The following PEAK1 variants were observed in gnomAD, a reference collection of about 807,000 sequenced individuals.
The protein encoded by PEAK1 is inactive tyrosine-protein kinase PEAK1.
PEAK1 carries 54 observed loss-of-function variants against 124.7 expected under a neutral mutation model. The observed-to-expected ratio is 0.43, with a 90% CI of 0.35 to 0.54. The LOEUF (loss-of-function observed/expected upper bound fraction) is 0.54. Ranked by LOEUF, PEAK1 falls within the 20% of genes least tolerant of loss-of-function variation. PEAK1 has a pLI of 0.01. For synonymous variants in PEAK1, 719 were observed against 760.0 expected, an observed-to-expected ratio of 0.95 and a Z score of 0.89; for missense variants, 2,046 against 2,134.5, an observed-to-expected ratio of 0.96 and a Z score of 0.82.
rs575110427 is a variant in PEAK1 at position 77,366,556 on chromosome 15, T to C, written c.-665-1331A>G. On this transcript the variant is annotated intron_variant, in intron 1 of 9. Coordinates refer to ENST00000682557, the MANE Select transcript of PEAK1 (RefSeq NM_001385026.1). The stretch of plus-strand genomic sequence containing the variant: ...GAATTTAAATTGGTAAATTTGTTTT[T>C]GTTTTTCGGGTTTTTCTGAGACAGG... 4.6e-5 allele frequency among the ~76,000 whole-genome samples: 7 copies of C among 152,200 alleles called. No homozygotes were observed. In the East Asian group the frequency reaches 1.4e-3, roughly 29 times the overall value.
intron 2 of PEAK1, chr15:77,348,883 C>G (rs1284567914): frequency 1.1e-6 from 1 of 940,388 alleles, no homozygotes; most frequent in Non-Finnish European, 1.3e-6. Context: ...CCCAAGCAAT[C>G]CTCTTGCCTT....
chr15:77,105,658 A>T (rs1230357518), downstream of PEAK1: 1 of 152,282 alleles, frequency 6.6e-6, no homozygotes, highest in East Asian at 1.9e-4. Flanking sequence ...ATAAGGAAGC[A>T]TAATTTGCTA....
chr15:77,408,376 T>C (rs943340272), intron 1 of PEAK1, among the ~76,000 whole-genome samples: 50 of 146,142 alleles, frequency 3.4e-4, no homozygotes, highest in African/African-American at 1.1e-3. Flanking sequence ...AAAATGGACT[T>C]TGGGGACACA....
intron 1 of PEAK1, among the ~76,000 whole-genome samples, chr15:77,401,269 C>T (rs1037399796): frequency 2.6e-5 from 4 of 152,146 alleles, no homozygotes; most frequent in African/African-American, 9.7e-5. Flanking sequence ...AAACTACTAC[C>T]TCCAAAATAA....
intron 2 of PEAK1, among the ~76,000 whole-genome samples, chr15:77,331,811 T>A (rs973555515): frequency 6.6e-6 from 1 of 151,866 alleles, no homozygotes; most frequent in Admixed American, 6.6e-5. Context: ...AGAGACAGGG[T>A]CTCACCATAT....
At chr15:77,393,012 C>T (rs1567345195) in intron 1 of PEAK1, among the ~76,000 whole-genome samples, 3 of 152,144 alleles carry the variant, frequency 2.0e-5, no homozygotes, top group Admixed American at 6.5e-5. Flanking sequence ...CTCAGTGCTG[C>T]CCTGTCACAG....
At chr15:77,107,809 CCT>C (rs1223443199), downstream of PEAK1, 1 of 152,352 alleles carries the variant, frequency 6.6e-6, no homozygotes, top group Non-Finnish European at 1.5e-5. Context: ...GCTAACCAAG[CCT>C]CTCAACATGC....
At chr15:77,200,946 C>T (rs975142261) in intron 6 of PEAK1, among the ~76,000 whole-genome samples, 2 of 151,892 alleles carry the variant, frequency 1.3e-5, no homozygotes, top group African/African-American at 2.4e-5. Flanking sequence ...CATACTTTAC[C>T]ATAACTTACC....
At chr15:77,236,429 C>T (rs530584892) in intron 6 of PEAK1, among the ~76,000 whole-genome samples, 1 of 152,190 alleles carries the variant, frequency 6.6e-6, no homozygotes, top group African/African-American at 2.4e-5. Flanking sequence ...TTGCATGAGG[C>T]CTATAGTCCC....
chr15:77,141,870 A>T (rs2053816740), intron 8 of PEAK1, among the ~76,000 whole-genome samples: 1 of 152,080 alleles, frequency 6.6e-6, no homozygotes, highest in African/African-American at 2.4e-5. Flanking sequence ...TAAATATAAG[A>T]GCTAAAACTA....
intron 5 of PEAK1, 65 bp downstream of exon 5, chr15:77,283,818 T>C: frequency 1.3e-6 from 1 of 773,050 alleles, no homozygotes; most frequent in Non-Finnish European, 1.6e-6. Context: ...TTATTCTTAA[T>C]CCAGGAATAA....
intron 6 of PEAK1, among the ~76,000 whole-genome samples, chr15:77,187,255 A>G (rs2057592750): frequency 6.6e-6 from 1 of 152,220 alleles, no homozygotes; most frequent in African/African-American, 2.4e-5. Context: ...TTTCAGGACC[A>G]AAGCCCTTCA....
At chr15:77,304,254 T>G (rs1236486766) in intron 2 of PEAK1, among the ~76,000 whole-genome samples, 1 of 152,206 alleles carries the variant, frequency 6.6e-6, no homozygotes, top group East Asian at 1.9e-4. Flanking sequence ...GTGTCAAGTC[T>G]ATAGATCAAA....
Position 77,133,302 on chromosome 15 carries a change from G to C in PEAK1, c.3780C>G (p.Pro1260=). Residue 1260 remains proline, a synonymous_variant, in exon 9 of 10, where the codon CCC becomes CCG. Transcript: ENST00000682557. The surrounding 1 kb of genome is among the most constrained non-coding windows in gnomAD (Gnocchi z 4.2). Reference sequence around the variant, plus strand: ...GGATGCCTCGGCCCTGTCTGCAAGAGGGCCCACGCCGGCTGGAGAGGGATT... The same window carrying C: ...GGATGCCTCGGCCCTGTCTGCAAGACGGCCCACGCCGGCTGGAGAGGGATT... The part of the protein sequence containing the change: ...SMESLSSRRG[P]SCRQGRGIQK... 6.2e-7 allele frequency: 1 copy of C among 1,614,238 alleles called. No homozygotes were observed. Among genetic ancestry groups the C allele is most frequent in the Middle Eastern group, 1.6e-4 (1 of 6,062 alleles).
At chr15:77,389,297 T>A (rs1245781999) in intron 1 of PEAK1, among the ~76,000 whole-genome samples, 3 of 152,096 alleles carry the variant, frequency 2.0e-5, no homozygotes, top group Non-Finnish European at 2.9e-5. Flanking sequence ...ATAGGAAAAA[T>A]TTTGACCCTA....
intron 6 of PEAK1, chr15:77,204,931 T>C (rs576869643): frequency 1.3e-4 from 23 of 182,232 alleles, no homozygotes; most frequent in African/African-American, 5.4e-4. Context: ...AAAGGACAAA[T>C]CTTCAGACAA....
intron 2 of PEAK1, chr15:77,347,761 A>C: frequency 1.0e-6 from 1 of 981,286 alleles, no homozygotes; most frequent in Non-Finnish European, 1.2e-6. Flanking sequence ...GGAGTTTTTT[A>C]AAAGAAAAAA....
intron 2 of PEAK1, among the ~76,000 whole-genome samples, chr15:77,300,814 A>G (rs1213242407): frequency 6.6e-6 from 1 of 152,088 alleles, no homozygotes; most frequent in East Asian, 1.9e-4. Context: ...ACAAATTACC[A>G]TAAATTTGAT....
intron 1 of PEAK1, chr15:77,403,877 T>G (rs2071582061): frequency 1.0e-6 from 1 of 984,868 alleles, no homozygotes; most frequent in East Asian, 1.1e-4. Context: ...TGCCACAAAT[T>G]CATTTTAGAA....
Sources: gnomAD v4.1 joint callset for allele counts (sites outside exome capture counted in the v4.1 genomes callset) on GRCh38, gnomAD v4.1.1 for gene constraint, Gnocchi (gnomAD v3.1) non-coding constraint, MANE v1.5 for transcripts, NCBI Gene and HGNC (gene_info 2026-07-23, HGNC 2026-07-21) for gene names.